Variants in LRRCC1 observed in about 807,000 individuals in gnomAD.
LRRCC1 encodes leucine-rich repeat and coiled-coil domain-containing protein 1.
LRRCC1 carries 115 observed loss-of-function variants against 126.0 expected under a neutral mutation model. The observed-to-expected ratio is 0.91, with a 90% CI of 0.78 to 1.07. The LOEUF is 1.07. Ranked by LOEUF, LRRCC1 falls within the 50% of genes least tolerant of loss-of-function variation. The pLI is 0.00. For synonymous variants in LRRCC1, 400 were observed against 393.4 expected, an observed-to-expected ratio of 1.02 and a Z score of -0.20; for missense variants, 1,172 against 1,175.7, an observed-to-expected ratio of 1.00 and a Z score of 0.05.
At position 85,109,583 on chromosome 8, in the gene LRRCC1, T is replaced by C; in HGVS notation, c.105-12T>C. ...TAAAATCTATTTTTATAGTATATAT[T>C]TTCTTTTATAGCATATCAGAATTAT... On this transcript the variant is annotated splice_polypyrimidine_tract_variant and intron_variant, in intron 1 of 18. Coordinates refer to ENST00000360375, the MANE Select transcript of LRRCC1 (RefSeq NM_033402.5). 6.8e-7 allele frequency: 1 copy of C among 1,475,632 alleles called. No homozygotes were observed. Among genetic ancestry groups the C allele is most frequent in the African/African-American group, 1.4e-5 (1 of 70,934 alleles). The allele number at this position is 1,475,632 out of a possible 1,614,324, so 91.4% of individuals were successfully genotyped here. A position where few individuals can be genotyped will look rare whatever the true frequency, so the allele number is the denominator to read the frequency against.
Position 85,115,449 on chromosome 8 carries a change from A to C in LRRCC1, c.795A>C (p.Pro265=). The change falls in exon 6 of 19, where the codon CCA becomes CCC. Residue 265 remains proline, a synonymous_variant. Transcript: ENST00000360375. ...CCTTGGAACAGTTTGCAAGTACACC[A>C]AGTGATGCTGTGTTGACGTCTTTTA... ...LVPLEQFAST[P]SDAVLTSFMS... The C allele has an allele frequency of 6.2e-7, 1 of 1,613,616 alleles. No individual in the cohort carries two copies. Among genetic ancestry groups the C allele is most frequent in the Non-Finnish European group, 8.5e-7 (1 of 1,179,556 alleles).
At chr8:85,116,801 T>C (rs1463149628) in intron 6 of LRRCC1, among the ~76,000 whole-genome samples, 2 of 152,222 alleles carry the variant, frequency 1.3e-5, no homozygotes, top group African/African-American at 4.8e-5. Context: ...TATAACATAA[T>C]ATTAATAATG....
chr8:85,145,281 A>G, intron 18 of LRRCC1, 108 bp from the exon 19 acceptor site: 1 of 848,026 alleles, frequency 1.2e-6, no homozygotes, highest in Non-Finnish European at 1.7e-6. Flanking sequence ...AATACATCAC[A>G]AATTTCAAAA....
chr8:85,116,571 C>T (rs892267363), intron 6 of LRRCC1, among the ~76,000 whole-genome samples: 3 of 151,926 alleles, frequency 2.0e-5, no homozygotes, highest in Non-Finnish European at 2.9e-5. Context: ...GACTGGGTCT[C>T]GCTTTGTTAC....
At chr8:85,114,431 G>A (rs1808952201) in intron 4 of LRRCC1, among the ~76,000 whole-genome samples, 2 of 151,748 alleles carry the variant, frequency 1.3e-5, no homozygotes, top group Admixed American at 6.6e-5. Context: ...TCTTACTTTC[G>A]GAATTCTTCC....
At chr8:85,135,684 A>T in intron 13 of LRRCC1, 105 bp from the exon 14 acceptor site, 3 of 707,378 alleles carry the variant, frequency 4.2e-6, no homozygotes, top group Non-Finnish European at 4.0e-6. Flanking sequence ...GGTAATATTT[A>T]CTTGTATTTG....
rs965209318 is a variant in LRRCC1 at position 85,109,664 on chromosome 8, C to T, written c.174C>T (p.Ile58=). Residue 58 remains isoleucine, a synonymous_variant, in exon 2 of 19, where the codon ATC becomes ATT. Transcript: ENST00000360375. ...VNLHCNNISK[I]EAIDHIWNLQ... is the part of the protein sequence containing the mutation. ...TTCATTGCAATAACATCTCCAAGAT[C>T]GAAGCCATTGATCATATTTGGAATT... is the stretch of plus-strand genomic sequence containing the variant. 3.7e-6 allele frequency: 6 copies of T among 1,611,114 alleles called. No individual in the cohort carries two copies. The highest frequency in any genetic ancestry group is 5.1e-6 in the Non-Finnish European group (6 of 1,177,728).
chr8:85,111,379 A>T (rs868154036), intron 3 of LRRCC1, among the ~76,000 whole-genome samples: 3 of 152,220 alleles, frequency 2.0e-5, no homozygotes, highest in South Asian at 2.1e-4. Context: ...CTCCATCTCA[A>T]AACAACAAAA....
At chr8:85,145,343 C>A in intron 18 of LRRCC1, 46 bp from the exon 19 acceptor site, 2 of 1,374,138 alleles carry the variant, frequency 1.5e-6, no homozygotes, top group South Asian at 1.5e-5. Flanking sequence ...TTTAAAAATA[C>A]ATTTTCTTTA....
intron 9 of LRRCC1, among the ~76,000 whole-genome samples, chr8:85,127,135 A>G (rs1273652838): frequency 6.6e-6 from 1 of 152,204 alleles, no homozygotes; most frequent in Admixed American, 6.5e-5. Context: ...CAGATTCTGT[A>G]AAGGGCAGGC....
chr8:85,141,146 G>GT (rs1207543302), intron 17 of LRRCC1, among the ~76,000 whole-genome samples: 1 of 152,100 alleles, frequency 6.6e-6, no homozygotes, highest in African/African-American at 2.4e-5. Flanking sequence ...AAATGAAAGT[G>GT]TAAAAAACAT....
At chr8:85,107,494 T>G in intron 1 of LRRCC1, 95 bp downstream of exon 1, 1 of 1,078,648 alleles carries the variant, frequency 9.3e-7, no homozygotes, top group South Asian at 1.6e-5. Flanking sequence ...GGCGCGGCAC[T>G]GCTTTACCAA....
chr8:85,135,754 T>A (rs924253785), intron 13 of LRRCC1, 35 bp from the exon 14 acceptor site: 19 of 1,226,476 alleles, frequency 1.5e-5, no homozygotes, highest in Non-Finnish European at 1.9e-5. Flanking sequence ...GCACTTAATA[T>A]AATAATTCTT....
rs199883784 is a variant in LRRCC1, at chr8:85,112,970, T to C, written c.415T>C (p.Tyr139His). ...PLHGIKHKLRYIDLHSNRIDS... is the reference protein window; with the variant it reads ...PLHGIKHKLRHIDLHSNRIDS... ...TCATGGAATTAAGCATAAACTTAGA[T>C]ATATTGATCTACATAGTAATCGTAT... Residue 139 changes from tyrosine to histidine, a missense_variant, in exon 4 of 19, where the codon TAT becomes CAT. Physicochemically the swap from Tyr to His is moderately conservative, Grantham distance 83. Transcript: ENST00000360375. 1.0e-5 allele frequency: 16 copies of C among 1,587,396 alleles called. No individual in the cohort carries two copies. The highest frequency in any genetic ancestry group is 1.4e-5 in the Non-Finnish European group (16 of 1,166,490).
Position 85,115,254 on chromosome 8 carries a change from C to T in LRRCC1, c.699C>T (p.Pro233=). The T allele has an allele frequency of 1.2e-5, 19 of 1,606,916 alleles. No homozygotes were observed. The highest frequency in any genetic ancestry group is 1.6e-5 in the Non-Finnish European group (19 of 1,176,812). Residue 233 remains proline, a synonymous_variant, in exon 5 of 19, where the codon CCC becomes CCT. Coordinates refer to ENST00000360375, the MANE Select transcript of LRRCC1 (RefSeq NM_033402.5). ...LLDNLVSSDS[P]LNISEDEIID... is the part of the protein sequence containing the mutation. ...ATAATTTAGTTTCTTCTGATTCTCC[C>T]CTAAATATAAGTGAAGATGAGGTAT...
chr8:85,129,606 G>T (rs767107560), intron 10 of LRRCC1, among the ~76,000 whole-genome samples: 144 of 152,332 alleles, frequency 9.5e-4, no homozygotes, highest in Non-Finnish European at 1.7e-3. Context: ...AAATGTTGCA[G>T]GTGGTTAGGC....
chr8:85,132,158 AT>A (rs1051531178), intron 12 of LRRCC1, among the ~76,000 whole-genome samples, 197 bp downstream of exon 12: 3 of 152,224 alleles, frequency 2.0e-5, no homozygotes, highest in African/African-American at 7.2e-5. Context: ...ACTAAGTAAG[AT>A]TATAAATGTT....
chr8:85,125,662 G>A (rs1809928121), intron 8 of LRRCC1, among the ~76,000 whole-genome samples: 2 of 15,362 alleles, frequency 1.3e-4, no homozygotes, highest in Admixed American at 4.2e-4. Flanking sequence ...GACAGAGCGA[G>A]ACTCCGTCAA....
chr8:85,126,781 T>C lies in LRRCC1; in HGVS notation c.1365T>C (p.His455=), dbSNP rs1810038903. The change falls in exon 9 of 19, where the codon CAT becomes CAC. Residue 455 remains histidine, a synonymous_variant. Transcript: ENST00000360375. ...TCATGGATTATATTGATGAGCTGCATAAACATGCAAATGAAAAAGAGGATA... is the reference window on the plus strand; with the variant it reads ...TCATGGATTATATTGATGAGCTGCACAAACATGCAAATGAAAAAGAGGATA... ...NKLMDYIDEL[H]KHANEKEDIH... is the part of the protein sequence containing the mutation. 2 of 1,612,920 alleles carry C rather than the reference T, an allele frequency of 1.2e-6. No individual in the cohort carries two copies. Among genetic ancestry groups the C allele is most frequent in the Non-Finnish European group, 8.5e-7 (1 of 1,179,748 alleles).
Sources: allele counts gnomAD v4.1 joint callset (sites outside exome capture counted in the v4.1 genomes callset), GRCh38; gene constraint gnomAD v4.1.1; transcripts MANE v1.5; gene names NCBI Gene and HGNC (gene_info 2026-07-23, HGNC 2026-07-21).